CDC73: variants seen among roughly 807,000 people sequenced by gnomAD.
CDC73 encodes the protein cell division cycle 73.
In CDC73, 21 loss-of-function variants were observed where a neutral mutation model predicts 83.7. That is an observed-to-expected ratio of 0.25 (90% CI 0.18 to 0.36). CDC73 has a LOEUF of 0.36. Ranked by LOEUF, CDC73 falls within the 10% of genes least tolerant of loss-of-function variation. The pLI, the probability that CDC73 is intolerant of heterozygous loss-of-function variation, is 1.00. For missense variants in CDC73, 342 were observed against 653.3 expected (o/e 0.52, Z 5.19); for synonymous variants, 224 against 212.9 (o/e 1.05, Z -0.45).
chr1:193,228,384 A>G (rs1677600287), intron 13 of CDC73, among the ~76,000 whole-genome samples: 1 of 152,198 alleles, frequency 6.6e-6, no homozygotes. Flanking sequence ...TAGCATTGAA[A>G]CAGTTATTAC....
intron 10 of CDC73, among the ~76,000 whole-genome samples, chr1:193,192,240 C>G (rs1309207199): frequency 6.6e-6 from 1 of 152,034 alleles, no homozygotes; most frequent in East Asian, 1.9e-4. Context: ...ATTGTGAGTT[C>G]AAGACCAGCC....
rs140345484 is a variant in CDC73 at position 193,180,842 on chromosome 1, A to G, written c.973-22953A>G. On this transcript the variant is annotated intron_variant, in intron 10 of 16. Coordinates refer to ENST00000367435, the MANE Select transcript of CDC73 (RefSeq NM_024529.5). Reference sequence around the variant, plus strand: ...ATAACATATGGAATATGTGGACAGTATGTTGCAACCCAGTTCATGCCCATT... The same window carrying G: ...ATAACATATGGAATATGTGGACAGTGTGTTGCAACCCAGTTCATGCCCATT... 538 of 1,613,870 alleles carry G rather than the reference A, an allele frequency of 3.3e-4. No homozygotes were observed. The highest frequency in any genetic ancestry group is 4.4e-4 in the Non-Finnish European group (515 of 1,179,928).
At chr1:193,149,588 A>T (rs1479338593) in intron 8 of CDC73, among the ~76,000 whole-genome samples, 3 of 152,182 alleles carry the variant, frequency 2.0e-5, no homozygotes, top group Admixed American at 2.0e-4. Context: ...TTGACTATAG[A>T]AGTATATGCC....
At chr1:193,129,201 T>G (rs1488040069) in intron 2 of CDC73, among the ~76,000 whole-genome samples, 3 of 152,034 alleles carry the variant, frequency 2.0e-5, no homozygotes, top group Non-Finnish European at 2.9e-5. Context: ...TTTTACCATC[T>G]TGCTCAGGCT....
chr1:193,177,715 GTAAA>G (rs1416439521), intron 10 of CDC73, among the ~76,000 whole-genome samples: 2 of 152,066 alleles, frequency 1.3e-5, no homozygotes, highest in South Asian at 2.1e-4. Flanking sequence ...TGTACAATCA[GTAAA>G]TAGTTTCTAC....
chr1:193,171,447 GGTT>G (rs1422879093), intron 10 of CDC73, among the ~76,000 whole-genome samples: 1 of 152,116 alleles, frequency 6.6e-6, no homozygotes, highest in Non-Finnish European at 1.5e-5. Flanking sequence ...AGTTCCTTCG[GGTT>G]GTTGATTGAA....
At chr1:193,181,634 T>G in intron 10 of CDC73, 1 of 1,324,918 alleles carries the variant, frequency 7.5e-7, no homozygotes, top group Non-Finnish European at 1.0e-6. Context: ...AATACTATTC[T>G]TTGGCAATCA....
chr1:193,247,765 G>A (rs74909976), intron 15 of CDC73, among the ~76,000 whole-genome samples: 8,145 of 152,154 alleles, frequency 0.054, 511 homozygotes, highest in African/African-American at 0.15. Context: ...TGCTAAGCCA[G>A]AGCCTGATCC....
chr1:193,237,053 C>A (rs139546926), intron 15 of CDC73: 4 of 151,034 alleles, frequency 2.6e-5, no homozygotes, highest in African/African-American at 9.7e-5. Flanking sequence ...ACGCCATTCT[C>A]CTGCCTCAAC....
chr1:193,171,695 C>A (rs1446124009), intron 10 of CDC73, among the ~76,000 whole-genome samples: 1 of 152,024 alleles, frequency 6.6e-6, no homozygotes, highest in African/African-American at 2.4e-5. Context: ...TTATACTGGG[C>A]CAATCAGGAA....
chr1:193,188,090 A>G lies in CDC73; in HGVS notation c.973-15705A>G, dbSNP rs534930725. ...GTAGATCAGTATTTATTTATCAGTG[A>G]TTCTTTACATAGGATTTGACTATGA... On this transcript the variant is annotated intron_variant, in intron 10 of 16. Transcript: ENST00000367435. 1.1e-4 allele frequency among the ~76,000 whole-genome samples: 16 copies of G among 152,328 alleles called. 1 individual carries two copies. In the East Asian group the frequency reaches 1.5e-3, roughly 15 times the overall value.
At chr1:193,235,340 GT>G in intron 14 of CDC73, among the ~76,000 whole-genome samples, 1 of 152,106 alleles carries the variant, frequency 6.6e-6, no homozygotes, top group Non-Finnish European at 1.5e-5. Flanking sequence ...ATACAATGAG[GT>G]TTCTAATACA....
intron 2 of CDC73, 66 bp downstream of exon 2, chr1:193,125,283 GGGTCT>G (rs1675545252): frequency 9.6e-7 from 1 of 1,042,946 alleles, no homozygotes; most frequent in Admixed American, 1.8e-5. Context: ...TTAAGAGACA[GGGTCT>G]GGCCTTGTTG....
chr1:193,172,142 C>T (rs917520166), intron 10 of CDC73, among the ~76,000 whole-genome samples: 5 of 151,450 alleles, frequency 3.3e-5, no homozygotes, highest in Non-Finnish European at 5.9e-5. Context: ...CTAGGTTGGT[C>T]TCAAATGTCT....
intron 14 of CDC73, among the ~76,000 whole-genome samples, chr1:193,233,430 T>C (rs140532177): frequency 9.2e-4 from 140 of 152,406 alleles, no homozygotes; most frequent in African/African-American, 3.3e-3. Flanking sequence ...TGAGCAATTA[T>C]CAAATTTTAT....
intron 10 of CDC73, among the ~76,000 whole-genome samples, chr1:193,170,764 GA>G (rs1676505938): frequency 6.6e-6 from 1 of 152,112 alleles, no homozygotes; most frequent in African/African-American, 2.4e-5. Flanking sequence ...TTGCTGTGCA[GA>G]ATCTCTTTTG....
At chr1:193,230,535 A>G (rs1173132254) in intron 13 of CDC73, among the ~76,000 whole-genome samples, 5 of 149,190 alleles carry the variant, frequency 3.4e-5, no homozygotes, top group African/African-American at 1.2e-4. Context: ...GAAGATAGCA[A>G]TAGTAGATGA....
rs746910026 is a variant in CDC73 at position 193,122,209 on chromosome 1, C to G, written c.9C>G (p.Asp3Glu). The change falls in exon 1 of 17, where the codon GAC (aspartate) becomes GAG (glutamate). Residue 3 changes from aspartate to glutamate, a missense_variant. Physicochemically the swap from Asp to Glu is conservative, Grantham distance 45. Transcript: ENST00000367435. MA[D>E]VLSVLRQYNI... ...AGGCGAGGGGGGGGAAGATGGCGGACGTGCTTAGCGTCCTGCGACAGTACA... is the reference window on the plus strand; with the variant it reads ...AGGCGAGGGGGGGGAAGATGGCGGAGGTGCTTAGCGTCCTGCGACAGTACA... The G allele has an allele frequency of 6.2e-7, 1 of 1,613,750 alleles. No individual in the cohort carries two copies. Among genetic ancestry groups the G allele is most frequent in the South Asian group, 1.1e-5 (1 of 91,076 alleles).
rs1242995913 is a variant in CDC73, at chr1:193,252,071, A to G, written c.*1359A>G. The stretch of plus-strand genomic sequence containing the variant: ...AATTTAACACTGTCACAAAAATGAG[A>G]AGTTATTATTTTTTAAGTGATCACA... On this transcript the variant is annotated 3_prime_UTR_variant, in exon 17 of 17. Transcript: ENST00000367435. 1 of 231,208 alleles carries G rather than the reference A, an allele frequency of 4.3e-6. No homozygotes were observed. The highest frequency in any genetic ancestry group is 2.2e-5 in the African/African-American group (1 of 45,234). 14.3% of individuals were successfully genotyped at this position (231,208 alleles called of 1,614,324 possible). A position where few individuals can be genotyped will look rare whatever the true frequency, so the allele number is the denominator to read the frequency against.
Sources: gnomAD v4.1 joint callset for allele counts (sites outside exome capture counted in the v4.1 genomes callset) on GRCh38, gnomAD v4.1.1 for gene constraint, MANE v1.5 for transcripts, NCBI Gene and HGNC (gene_info 2026-07-23, HGNC 2026-07-21) for gene names.